ZNF407: variants seen among roughly 807,000 people sequenced by gnomAD.
ZNF407 encodes the protein zinc finger protein 407.
A neutral mutation model predicts 131.2 loss-of-function variants in ZNF407; 17 were observed. The observed-to-expected ratio is 0.13, with a 90% CI of 0.09 to 0.19. ZNF407 has a LOEUF of 0.19. Among genes scored for constraint, ZNF407 ranks in the 10% least tolerant of loss-of-function variants. The pLI, the probability that ZNF407 is intolerant of heterozygous loss-of-function variation, is 1.00. For missense variants in ZNF407, 2,681 were observed against 2,830.6 expected (o/e 0.95, Z 1.20); for synonymous variants, 1,156 against 1,062.0 (o/e 1.09, Z -1.72).
At position 75,063,765 on chromosome 18, in the gene ZNF407, G is replaced by T; in HGVS notation, c.6044G>T (p.Gly2015Val). 3 of 1,611,138 alleles carry T rather than the reference G, an allele frequency of 1.9e-6. No individual in the cohort carries two copies. The highest frequency in any genetic ancestry group is 2.5e-6 in the Non-Finnish European group (3 of 1,179,802). Residue 2015 changes from glycine (G) to valine (V), a missense_variant, in exon 9 of 9, where the codon GGC (glycine) becomes GTC (valine). By Grantham distance (109) the Gly-to-Val change is moderately radical. Transcript: ENST00000299687. This position sits in a 1 kb window ranked among gnomAD's most constrained non-coding sequence, Gnocchi z 6.6. ...GGGCTCGAGGAGCAAGGCAGGCCCG[G>T]CGCCAAAGACGTGCTGATCCAGCTG... ...RAGLEEQGRP[G>V]AKDVLIQLPG... is the part of the protein sequence containing the mutation.
At chr18:74,679,480 G>T (rs183084666) in intron 3 of ZNF407, among the ~76,000 whole-genome samples, 116 of 152,298 alleles carry the variant, frequency 7.6e-4, no homozygotes, top group African/African-American at 2.3e-3. Flanking sequence ...CATGTAGTGG[G>T]CATTCAGTAA....
chr18:74,728,743 T>TA (rs1671794418), intron 3 of ZNF407, among the ~76,000 whole-genome samples: 1 of 152,104 alleles, frequency 6.6e-6, no homozygotes. Flanking sequence ...TGAATGCAGT[T>TA]ACCAGTGGAG....
In ZNF407 at chr18:74,633,074, A is replaced by G. The variant is rs1485541582; in HGVS notation, c.2055A>G (p.Glu685=). 4 of 1,613,940 alleles carry G rather than the reference A, an allele frequency of 2.5e-6. No individual in the cohort carries two copies. In the East Asian group the frequency reaches 8.9e-5, roughly 36 times the overall value. Residue 685 remains glutamate, a synonymous_variant, in exon 2 of 9, where the codon GAA becomes GAG. Coordinates refer to ENST00000299687, the MANE Select transcript of ZNF407 (RefSeq NM_017757.3). Reference sequence around the variant, plus strand: ...ACTCAGGAAAAGCATCTCAGGAAGAACCTCTGAAGTCCAGGGTAAGCCATG... The same window carrying G: ...ACTCAGGAAAAGCATCTCAGGAAGAGCCTCTGAAGTCCAGGGTAAGCCATG... ...MDDSGKASQE[E]PLKSRVSHGN...
At chr18:74,655,737 G>C (rs906888887) in intron 3 of ZNF407, among the ~76,000 whole-genome samples, 1 of 152,162 alleles carries the variant, frequency 6.6e-6, no homozygotes, top group African/African-American at 2.4e-5. Context: ...GCACACACAT[G>C]CATCTGTTCA....
At chr18:74,676,624 C>CA (rs1045561260) in intron 3 of ZNF407, among the ~76,000 whole-genome samples, 8 of 151,666 alleles carry the variant, frequency 5.3e-5, no homozygotes, top group African/African-American at 1.9e-4. Flanking sequence ...TTAGTAGAGA[C>CA]GGGGTTTCAC....
chr18:75,029,101 A>T (rs988691302), intron 8 of ZNF407, among the ~76,000 whole-genome samples: 2 of 152,174 alleles, frequency 1.3e-5, no homozygotes, highest in African/African-American at 4.8e-5. Flanking sequence ...CAAAATGCAC[A>T]TAATATAGGG....
intron 3 of ZNF407, among the ~76,000 whole-genome samples, chr18:74,652,885 A>T (rs983789648): frequency 1.3e-5 from 2 of 152,020 alleles, no homozygotes; most frequent in African/African-American, 4.8e-5. Context: ...GTTTGGAATA[A>T]ATTTAAGCTT....
At chr18:75,049,111 G>T (rs1230063467) in intron 8 of ZNF407, among the ~76,000 whole-genome samples, 3 of 144,828 alleles carry the variant, frequency 2.1e-5, no homozygotes, top group African/African-American at 8.0e-5. Context: ...GTGGGGGGGG[G>T]GTGGGGGAGT....
chr18:74,889,072 A>G (rs1019883654), intron 6 of ZNF407, among the ~76,000 whole-genome samples: 3 of 152,168 alleles, frequency 2.0e-5, no homozygotes, highest in Non-Finnish European at 4.4e-5. Context: ...TTACTGTGTT[A>G]CAGTTGCCTA....
At chr18:74,649,322 C>G (rs1462733420) in intron 3 of ZNF407, among the ~76,000 whole-genome samples, 1 of 152,164 alleles carries the variant, frequency 6.6e-6, no homozygotes, top group African/African-American at 2.4e-5. Flanking sequence ...CTTATAAAAT[C>G]TGGCTAAATG....
intron 3 of ZNF407, among the ~76,000 whole-genome samples, chr18:74,720,392 G>A (rs1968002596): frequency 6.6e-6 from 1 of 150,524 alleles, no homozygotes; most frequent in Non-Finnish European, 1.5e-5. Flanking sequence ...CTTTCTATAA[G>A]TGGTGATTAA....
rs1969722911 is a variant in ZNF407, at chr18:74,786,791, A to AGGTTTTTTT, written c.4877+5289_4877+5290insGGTTTTTTT. On this transcript the variant is annotated intron_variant, in intron 4 of 8. Transcript: ENST00000299687. ...TTAATTGGTTTTAATGTAAAAAAGT[A>AGGTTTTTTT]TGTTTTTTTTTTTTTTTTTTTTTTT... is the stretch of plus-strand genomic sequence containing the variant. Among the ~76,000 whole-genome samples the AGGTTTTTTT allele has an allele frequency of 3.9e-5, 3 of 77,696 alleles. 1 individual carries two copies. The highest frequency in any genetic ancestry group is 4.4e-5 in the African/African-American group (1 of 22,710). 51.0% of individuals were successfully genotyped at this position (77,696 alleles called of 152,430 possible).
chr18:74,719,931 A>G (rs9807115), intron 3 of ZNF407, among the ~76,000 whole-genome samples: 12,643 of 152,116 alleles, frequency 0.083, 707 homozygotes, highest in African/African-American at 0.16. Flanking sequence ...TGTCTTGGCT[A>G]TTGTGAATAG....
At chr18:74,821,667 T>C (rs1970342676) in intron 4 of ZNF407, among the ~76,000 whole-genome samples, 1 of 152,254 alleles carries the variant, frequency 6.6e-6, no homozygotes, top group Non-Finnish European at 1.5e-5. Context: ...ATCCAGTCTA[T>C]AATTGATGGA....
At position 75,065,213 on chromosome 18, in the gene ZNF407, T is replaced by C. The variant is rs1973698668; in HGVS notation, c.*745T>C. The C allele has an allele frequency of 6.6e-6, 1 of 152,318 alleles. No individual in the cohort carries two copies. Among genetic ancestry groups the C allele is most frequent in the African/African-American group, 2.4e-5 (1 of 41,462 alleles). The allele number at this position is 152,318 out of a possible 1,614,324, so 9.4% of individuals were successfully genotyped here. A position where few individuals can be genotyped will look rare whatever the true frequency, so the allele number is the denominator to read the frequency against. On this transcript the variant is annotated 3_prime_UTR_variant, in exon 9 of 9. Transcript: ENST00000299687. Reference sequence around the variant, plus strand: ...AATATATGTCGGTGGAGATAGCCAGTGCTTCTAATTTTGACTTAGTTTCAT... The same window carrying C: ...AATATATGTCGGTGGAGATAGCCAGCGCTTCTAATTTTGACTTAGTTTCAT...
intron 3 of ZNF407, among the ~76,000 whole-genome samples, chr18:74,644,256 T>C (rs1386032240): frequency 1.3e-5 from 2 of 150,998 alleles, no homozygotes; most frequent in South Asian, 4.2e-4. Context: ...AGGAATTTTA[T>C]AGAATATAGG....
chr18:75,041,869 C>T (rs567550207), intron 8 of ZNF407, among the ~76,000 whole-genome samples: 3 of 152,276 alleles, frequency 2.0e-5, no homozygotes, highest in Non-Finnish European at 2.9e-5. Flanking sequence ...CGACCGCCTC[C>T]GATGTCACAA....
intron 7 of ZNF407, among the ~76,000 whole-genome samples, chr18:74,910,476 G>A (rs1271881679): frequency 6.6e-6 from 1 of 151,660 alleles, no homozygotes; most frequent in African/African-American, 2.4e-5. Flanking sequence ...CATATTTTTA[G>A]GTTCATACTC....
At chr18:74,685,910 G>A (rs34595310) in intron 3 of ZNF407, among the ~76,000 whole-genome samples, 12,464 of 152,186 alleles carry the variant, frequency 0.082, 680 homozygotes, top group African/African-American at 0.15. Flanking sequence ...TTTATTGTTT[G>A]TATTTTTTGT....
Sources: gnomAD v4.1 joint callset for allele counts (sites outside exome capture counted in the v4.1 genomes callset) on GRCh38, gnomAD v4.1.1 for gene constraint, Gnocchi (gnomAD v3.1) non-coding constraint, MANE v1.5 for transcripts, NCBI Gene and HGNC (gene_info 2026-07-23, HGNC 2026-07-21) for gene names.